PPM1E: variants seen among roughly 807,000 people sequenced by gnomAD.
The protein encoded by PPM1E is protein phosphatase, Mg2+/Mn2+ dependent 1E.
In PPM1E, 20 loss-of-function variants were observed where a neutral mutation model predicts 65.9. That is an observed-to-expected ratio of 0.30 (90% CI 0.21 to 0.44). The LOEUF (loss-of-function observed/expected upper bound fraction) is 0.44, where lower values mean the gene tolerates loss of function less well. Ranked by LOEUF, PPM1E falls within the 20% of genes least tolerant of loss-of-function variation. The pLI, the probability that PPM1E is intolerant of heterozygous loss-of-function variation, is 1.00. For synonymous variants in PPM1E, 352 were observed against 374.9 expected (o/e 0.94, Z 0.70); for missense variants, 713 against 953.1 (o/e 0.75, Z 3.32).
intron 1 of PPM1E, among the ~76,000 whole-genome samples, chr17:58,860,306 A>C (rs767381475): frequency 6.6e-6 from 1 of 152,202 alleles, no homozygotes; most frequent in Non-Finnish European, 1.5e-5. Context: ...GATTGGTGTC[A>C]CACAGCCAAT....
At chr17:58,797,534 T>G (rs1343084559) in intron 1 of PPM1E, among the ~76,000 whole-genome samples, 1 of 152,212 alleles carries the variant, frequency 6.6e-6, no homozygotes, top group Non-Finnish European at 1.5e-5. Flanking sequence ...TTCATGTCAT[T>G]GCATGTATTC....
chr17:58,803,345 T>G (rs2050276375), intron 1 of PPM1E, among the ~76,000 whole-genome samples: 1 of 152,240 alleles, frequency 6.6e-6, no homozygotes, highest in South Asian at 2.1e-4. Flanking sequence ...CATATGATTT[T>G]TATCCATTAT....
chr17:58,790,646 A>G (rs2050148359), intron 1 of PPM1E, among the ~76,000 whole-genome samples: 1 of 152,114 alleles, frequency 6.6e-6, no homozygotes, highest in Non-Finnish European at 1.5e-5. Context: ...CTTAAAACCC[A>G]GTCACTCTGT....
At chr17:58,895,912 TAGCTA>T (rs1464762043) in intron 1 of PPM1E, among the ~76,000 whole-genome samples, 4 of 147,756 alleles carry the variant, frequency 2.7e-5, no homozygotes, top group African/African-American at 1.0e-4. Context: ...GAGACCATCC[TAGCTA>T]ACACGGTTAA....
intron 1 of PPM1E, among the ~76,000 whole-genome samples, chr17:58,838,847 C>T (rs1208917670): frequency 2.6e-5 from 4 of 151,850 alleles, no homozygotes; most frequent in Admixed American, 2.6e-4. Context: ...TGTTATTAAG[C>T]GATCAAAAGA....
Position 58,762,814 on chromosome 17 carries a change from C to T in PPM1E, c.464+6353C>T, listed in dbSNP as rs530182627. 1.3e-4 allele frequency among the ~76,000 whole-genome samples: 19 copies of T among 149,520 alleles called. 1 individual carries two copies. In the South Asian group the frequency reaches 3.2e-3, roughly 25 times the overall value. ...TTGGGAGGCTGAGGCAGGAGAATGG[C>T]GTGAACCCGGGAGGCGGAGCTTGCA... On this transcript the variant is annotated intron_variant, in intron 1 of 6. Transcript: ENST00000308249.
At chr17:58,880,168 A>C (rs989070489) in intron 1 of PPM1E, among the ~76,000 whole-genome samples, 1 of 152,204 alleles carries the variant, frequency 6.6e-6, no homozygotes, top group African/African-American at 2.4e-5. Context: ...TTTGGTCTCA[A>C]CTTCATCCTT....
At chr17:58,936,517 C>T (rs1007123588) in intron 1 of PPM1E, among the ~76,000 whole-genome samples, 3 of 152,308 alleles carry the variant, frequency 2.0e-5, no homozygotes, top group Non-Finnish European at 2.9e-5. Context: ...ACTGTTGAAA[C>T]ACAGCTGTGG....
At chr17:58,820,043 A>AAAAT (rs971410712) in intron 1 of PPM1E, among the ~76,000 whole-genome samples, 6 of 151,936 alleles carry the variant, frequency 3.9e-5, no homozygotes, top group African/African-American at 9.7e-5. Flanking sequence ...TTTCAAACAA[A>AAAAT]AAATAAATAA....
intron 1 of PPM1E, among the ~76,000 whole-genome samples, chr17:58,940,073 C>G (rs1473021025): frequency 6.6e-6 from 1 of 152,148 alleles, no homozygotes; most frequent in Non-Finnish European, 1.5e-5. Context: ...AGTATTGGCT[C>G]TCTTTTGATA....
chr17:58,836,503 G>A (rs1182933211), intron 1 of PPM1E, among the ~76,000 whole-genome samples: 1 of 150,098 alleles, frequency 6.7e-6, no homozygotes, highest in East Asian at 2.1e-4. Flanking sequence ...TTGCTCTGTC[G>A]CCCAGGCTGG....
rs1346734251 is a variant in PPM1E, at chr17:58,981,026, G to A, written c.2263G>A (p.Glu755Lys). Residue 755 changes from glutamate to lysine, a missense_variant, in exon 7 of 7, where the codon GAA becomes AAA. Around this residue, in one of 6 missense-constraint regions of PPM1E, gnomAD observed 286 missense variants for 313.8 expected, o/e 0.91. Transcript: ENST00000308249. ...CPDLPWSYKI[E>K] ...AGATCTTCCTTGGAGCTATAAAATA[G>A]AATAATTTTTCTTTCAAGTAGGTTA... 2 of 1,580,354 alleles carry A rather than the reference G, an allele frequency of 1.3e-6. No homozygotes were observed. The highest frequency in any genetic ancestry group is 1.7e-6 in the Non-Finnish European group (2 of 1,167,992).
intron 1 of PPM1E, among the ~76,000 whole-genome samples, chr17:58,909,687 T>G (rs1310118478): frequency 6.6e-6 from 1 of 152,202 alleles, no homozygotes. Context: ...TCTTTGCTCC[T>G]CTGTAAGTAA....
chr17:58,776,954 T>A (rs2049999733), intron 1 of PPM1E, among the ~76,000 whole-genome samples: 1 of 152,110 alleles, frequency 6.6e-6, no homozygotes, highest in Admixed American at 6.6e-5. Flanking sequence ...ATTATAGGGC[T>A]GGGTGCAGTG....
chr17:58,814,355 T>A (rs1401673585), intron 1 of PPM1E, among the ~76,000 whole-genome samples: 1 of 152,224 alleles, frequency 6.6e-6, no homozygotes, highest in Non-Finnish European at 1.5e-5. Flanking sequence ...ATTTACTCTG[T>A]AATAATTAAC....
chr17:58,831,614 T>C (rs2050606742), intron 1 of PPM1E, among the ~76,000 whole-genome samples: 1 of 152,190 alleles, frequency 6.6e-6, no homozygotes, highest in African/African-American at 2.4e-5. Flanking sequence ...TTCCAACACT[T>C]CTCCTTATAC....
chr17:58,820,489 A>G (rs2050469001), intron 1 of PPM1E, among the ~76,000 whole-genome samples: 1 of 152,244 alleles, frequency 6.6e-6, no homozygotes, highest in Non-Finnish European at 1.5e-5. Context: ...CCATTAATGT[A>G]CAATGAATTT....
At chr17:58,852,792 C>T (rs146145108) in intron 1 of PPM1E, among the ~76,000 whole-genome samples, 6 of 151,948 alleles carry the variant, frequency 3.9e-5, no homozygotes, top group South Asian at 4.2e-4. Flanking sequence ...TTATTAGAGA[C>T]GGGGTTTCAC....
At chr17:58,923,746 C>CAAAA (rs531852494) in intron 1 of PPM1E, among the ~76,000 whole-genome samples, 2 of 62,384 alleles carry the variant, frequency 3.2e-5, no homozygotes, top group Non-Finnish European at 6.6e-5. Context: ...GACTTCGTCT[C>CAAAA]AAAAAAAAAA....
Sources: allele counts gnomAD v4.1 joint callset (sites outside exome capture counted in the v4.1 genomes callset), GRCh38; gene constraint gnomAD v4.1.1; regional missense constraint gnomAD v4.1.1; transcripts MANE v1.5; gene names NCBI Gene and HGNC (gene_info 2026-07-23, HGNC 2026-07-21).